ZSWIM5: variants seen among roughly 807,000 people sequenced by gnomAD.
The protein encoded by ZSWIM5 is zinc finger SWIM-type containing 5.
Under a neutral mutation model 119.6 loss-of-function variants are expected in ZSWIM5, and 55 were observed. The observed-to-expected ratio is 0.46, with a 90% CI of 0.37 to 0.58. ZSWIM5 has a LOEUF of 0.58. Among genes scored for constraint, ZSWIM5 ranks in the 20% least tolerant of loss-of-function variants. The pLI is 0.00. For synonymous variants in ZSWIM5, 537 were observed against 606.9 expected (o/e 0.88, Z 1.69); for missense variants, 1,193 against 1,512.8 (o/e 0.79, Z 3.51).
chr1:45,082,040 G>A (rs1490701795), intron 2 of ZSWIM5, among the ~76,000 whole-genome samples: 1 of 152,112 alleles, frequency 6.6e-6, no homozygotes, highest in Non-Finnish European at 1.5e-5. Context: ...CCAACCCTGT[G>A]CTCTCTGAAA....
chr1:45,188,123 A>G (rs1259303377), intron 1 of ZSWIM5, among the ~76,000 whole-genome samples: 1 of 152,208 alleles, frequency 6.6e-6, no homozygotes, highest in Non-Finnish European at 1.5e-5. Context: ...GAAAACACGT[A>G]TCCACACAAA....
At chr1:45,163,446 G>A (rs1645877856) in intron 1 of ZSWIM5, among the ~76,000 whole-genome samples, 1 of 152,194 alleles carries the variant, frequency 6.6e-6, no homozygotes, top group South Asian at 2.1e-4. Flanking sequence ...CTCCTTGCCA[G>A]CAACAGAACA....
At chr1:45,060,272 T>C in intron 2 of ZSWIM5, 25 bp from the exon 3 acceptor site, 1 of 1,609,434 alleles carries the variant, frequency 6.2e-7, no homozygotes, top group South Asian at 1.1e-5. Flanking sequence ...AACAGTGAAA[T>C]GAATCACCTG....
At chr1:45,081,267 C>CCATGG (rs1368481085) in intron 2 of ZSWIM5, among the ~76,000 whole-genome samples, 5 of 148,880 alleles carry the variant, frequency 3.4e-5, no homozygotes, top group African/African-American at 5.0e-5. Flanking sequence ...CTCCCTCTCC[C>CCATGG]TCTCCCTCTC....
chr1:45,109,842 T>C (rs1645505027), intron 1 of ZSWIM5, among the ~76,000 whole-genome samples: 1 of 152,226 alleles, frequency 6.6e-6, no homozygotes, highest in Non-Finnish European at 1.5e-5. Flanking sequence ...TGTGTATTTA[T>C]GAATTCTCAC....
chr1:45,074,851 T>C (rs1043703323), intron 2 of ZSWIM5, among the ~76,000 whole-genome samples: 8 of 151,966 alleles, frequency 5.3e-5, no homozygotes, highest in Non-Finnish European at 4.4e-5. Context: ...TAGGTACTTA[T>C]AGCTATACAT....
rs753588038 is a variant in ZSWIM5, at chr1:45,043,257, C to T, written c.1571G>A (p.Arg524Lys). 15 of 1,614,066 alleles carry T rather than the reference C, an allele frequency of 9.3e-6. No homozygotes were observed. Among genetic ancestry groups the T allele is most frequent in the Admixed American group, 5.0e-5 (3 of 60,018 alleles). The part of the protein sequence containing the change: ...TAPACQRESE[R>K]LLFNSQGQPL... ...CTGGCCTTGGGAATTAAAGAGTAGT[C>T]TTTCACTTTCCCGCTGGCAGGCAGG... Residue 524 changes from arginine (R) to lysine (K), a missense_variant, in exon 6 of 14, where the codon AGA (arginine) becomes AAA (lysine). Coordinates refer to ENST00000359600, the MANE Select transcript of ZSWIM5 (RefSeq NM_020883.2).
At chr1:45,165,341 C>G (rs1645894322) in intron 1 of ZSWIM5, among the ~76,000 whole-genome samples, 1 of 152,072 alleles carries the variant, frequency 6.6e-6, no homozygotes, top group Non-Finnish European at 1.5e-5. Context: ...ATTTACAGCA[C>G]TAAATGCCTA....
intron 1 of ZSWIM5, among the ~76,000 whole-genome samples, chr1:45,095,289 A>AG (rs1645393495): frequency 1.3e-5 from 2 of 151,362 alleles, no homozygotes; most frequent in African/African-American, 2.4e-5. Context: ...TACCATCTCT[A>AG]ATTTTTTTTT....
chr1:45,155,958 A>G lies in ZSWIM5; in HGVS notation c.595+49798T>C, dbSNP rs866491593. 2.0e-5 allele frequency among the ~76,000 whole-genome samples: 3 copies of G among 152,126 alleles called. 1 individual carries two copies. In the South Asian group the frequency reaches 6.2e-4, roughly 31 times the overall value. ...TGTATACTGCTCAGGTGATGGGTAC[A>G]CCAACATCTCACAAATCACCACTAA... is the stretch of plus-strand genomic sequence containing the variant. On this transcript the variant is annotated intron_variant, in intron 1 of 13. Transcript: ENST00000359600.
chr1:45,079,300 C>T (rs1471972404), intron 2 of ZSWIM5, among the ~76,000 whole-genome samples: 1 of 152,196 alleles, frequency 6.6e-6, no homozygotes, highest in South Asian at 2.1e-4. Context: ...AATAAACAGC[C>T]TTGTTGCTTA....
chr1:45,051,337 G>T, intron 4 of ZSWIM5, 84 bp from the exon 5 acceptor site: 1 of 1,330,000 alleles, frequency 7.5e-7, no homozygotes, highest in Non-Finnish European at 1.0e-6. Flanking sequence ...ATTTTTAGAT[G>T]GTAGAGAAAG....
intron 1 of ZSWIM5, among the ~76,000 whole-genome samples, chr1:45,143,171 CAAAAA>C (rs60638239): frequency 3.3e-5 from 2 of 60,596 alleles, no homozygotes; most frequent in African/African-American, 6.6e-5. Flanking sequence ...GACTCTGTCT[CAAAAA>C]AAAAAAAAAA....
At chr1:45,197,909 CT>C (rs1646135587) in intron 1 of ZSWIM5, among the ~76,000 whole-genome samples, 1 of 152,200 alleles carries the variant, frequency 6.6e-6, no homozygotes, top group Non-Finnish European at 1.5e-5. Flanking sequence ...ACCACTGATG[CT>C]TTATAAAATG....
chr1:45,028,303 T>G (rs920196543), intron 11 of ZSWIM5, among the ~76,000 whole-genome samples: 1 of 152,266 alleles, frequency 6.6e-6, no homozygotes, highest in Non-Finnish European at 1.5e-5. Flanking sequence ...GAAGACTTAT[T>G]CCTATGTTTT....
chr1:45,085,893 A>G (rs1370200773), intron 2 of ZSWIM5, among the ~76,000 whole-genome samples: 1 of 152,180 alleles, frequency 6.6e-6, no homozygotes, highest in African/African-American at 2.4e-5. Context: ...TTTTCTAACC[A>G]GTTCAAAAGC....
intron 2 of ZSWIM5, chr1:45,070,291 C>T: frequency 6.9e-7 from 1 of 1,456,308 alleles, no homozygotes; most frequent in Non-Finnish European, 9.6e-7. Flanking sequence ...TAAATTATTC[C>T]TCTGGTGATG....
At chr1:45,150,186 A>AG (rs1557780930) in intron 1 of ZSWIM5, among the ~76,000 whole-genome samples, 1 of 150,668 alleles carries the variant, frequency 6.6e-6, no homozygotes, top group African/African-American at 2.4e-5. Context: ...AAAAAAAAAA[A>AG]AAAAAGAAAA....
chr1:45,162,768 G>A (rs1645871396), intron 1 of ZSWIM5, among the ~76,000 whole-genome samples: 1 of 152,240 alleles, frequency 6.6e-6, no homozygotes, highest in Non-Finnish European at 1.5e-5. Flanking sequence ...AGCCAGGCTG[G>A]GGGAGGGGCA....
Sources: allele counts gnomAD v4.1 joint callset (sites outside exome capture counted in the v4.1 genomes callset), GRCh38; gene constraint gnomAD v4.1.1; transcripts MANE v1.5; gene names NCBI Gene and HGNC (gene_info 2026-07-23, HGNC 2026-07-21).